NPY5R: variants seen among roughly 807,000 people sequenced by gnomAD.
NPY5R encodes the protein neuropeptide Y receptor Y5, also known as neuropeptide Y receptor type 5.
A neutral mutation model predicts 24.8 loss-of-function variants in NPY5R; 21 were observed. The ratio of observed to expected loss-of-function variants is 0.85; its 90% CI spans 0.60 to 1.22. The LOEUF is 1.22. Among genes scored for constraint, NPY5R ranks in the 50% most tolerant of loss-of-function variants. The pLI, the probability that NPY5R is intolerant of heterozygous loss-of-function variation, is 0.00. For synonymous variants in NPY5R, 175 were observed against 183.0 expected (o/e 0.96, Z 0.35); for missense variants, 481 against 521.3 (o/e 0.92, Z 0.75).
chr4:163,344,651 A>G (rs1735140897), intron 1 of NPY5R: 1 of 152,252 alleles, frequency 6.6e-6, no homozygotes. Flanking sequence ...TGCGAGCAAT[A>G]ACAAACATCC....
chr4:163,350,103 CAAAAAA>C (rs10599966), intron 3 of NPY5R, 156 bp from the exon 4 acceptor site: 783 of 173,750 alleles, frequency 4.5e-3, no homozygotes, highest in Non-Finnish European at 5.3e-3. Context: ...GACTCCGTCT[CAAAAAA>C]AAAAAAAAAA....
chr4:163,350,970 A>G lies in NPY5R; in HGVS notation c.697A>G (p.Ser233Gly). The change falls in exon 4 of 4, where the codon AGT (serine) becomes GGT (glycine). Residue 233 changes from serine to glycine, a missense_variant. Ser to Gly is a moderately conservative substitution (Grantham distance 56). Coordinates refer to ENST00000338566, the MANE Select transcript of NPY5R (RefSeq NM_006174.4). ...AGTTTGTCTTACTGTAAGTCATACA[A>G]GTGTCTGCAGAAGTATAAGCTGTGG... ...PLVCLTVSHTSVCRSISCGLS... is the reference protein window; with the variant it reads ...PLVCLTVSHTGVCRSISCGLS... The G allele has an allele frequency of 6.2e-7, 1 of 1,613,998 alleles. No individual in the cohort carries two copies. The highest frequency in any genetic ancestry group is 1.1e-5 in the South Asian group (1 of 91,082).
chr4:163,347,593 T>C (rs994221442), intron 3 of NPY5R, 71 bp downstream of exon 3: 65 of 152,210 alleles, frequency 4.3e-4, no homozygotes, highest in African/African-American at 1.6e-3. Context: ...TAAATATAAA[T>C]AGGATCATGA....
chr4:163,350,341 G>A lies in NPY5R; in HGVS notation c.68G>A (p.Arg23Gln), dbSNP rs375176738. 6.2e-6 allele frequency: 10 copies of A among 1,610,756 alleles called. 1 individual carries two copies. In the Admixed American group the frequency reaches 8.4e-5, roughly 13 times the overall value. ...LATENNTAATRNSDFPVWDDY... is the reference protein window; with the variant it reads ...LATENNTAATQNSDFPVWDDY... Reference sequence around the variant, plus strand: ...ACAGAGAATAATACTGCTGCCACTCGGAATTCTGATTTCCCAGTCTGGGAT... The same window carrying A: ...ACAGAGAATAATACTGCTGCCACTCAGAATTCTGATTTCCCAGTCTGGGAT... Residue 23 changes from arginine to glutamine, a missense_variant, in exon 4 of 4, where the codon CGG (arginine) becomes CAG (glutamine). By Grantham distance (43) the Arg-to-Gln change is conservative. Transcript: ENST00000338566.
rs772881122 is a variant in NPY5R at position 163,351,242 on chromosome 4, C to G, written c.969C>G (p.Leu323=). 5.0e-6 allele frequency: 8 copies of G among 1,614,168 alleles called. No homozygotes were observed. Among genetic ancestry groups the G allele is most frequent in the Middle Eastern group, 1.6e-4 (1 of 6,062 alleles). Residue 323 remains leucine, a synonymous_variant, in exon 4 of 4, where the codon CTC becomes CTG. Transcript: ENST00000338566. ...PENFGSVRSQ[L]SSSSKFIPGV... is the part of the protein sequence containing the mutation. ...ACTTTGGCTCTGTAAGAAGTCAGCTCTCTTCATCCAGTAAGTTCATACCAG... is the reference window on the plus strand; with the variant it reads ...ACTTTGGCTCTGTAAGAAGTCAGCTGTCTTCATCCAGTAAGTTCATACCAG...
rs1735476977 is a variant in NPY5R at position 163,351,102 on chromosome 4, T to C, written c.829T>C (p.Trp277Arg). ...GGTGAAACTCTCTGGCAGCCATAAATGGAGTTATTCATTCATCAAAAAACA... is the reference window on the plus strand; with the variant it reads ...GGTGAAACTCTCTGGCAGCCATAAACGGAGTTATTCATTCATCAAAAAACA... ...PQVKLSGSHK[W>R]SYSFIKKHRR... is the part of the protein sequence containing the mutation. Residue 277 changes from tryptophan to arginine, a missense_variant, in exon 4 of 4, where the codon TGG becomes CGG. Physicochemically the swap from Trp to Arg is moderately radical, Grantham distance 101 (BLOSUM62 -3). Transcript: ENST00000338566. 1 of 1,613,958 alleles carries C rather than the reference T, an allele frequency of 6.2e-7. No individual in the cohort carries two copies. The highest frequency in any genetic ancestry group is 8.5e-7 in the Non-Finnish European group (1 of 1,180,024).
rs1402927525 is a variant in NPY5R, at chr4:163,351,180, CCTT to C, written c.910_912del (p.Ser304del). 1.2e-6 allele frequency: 2 copies of C among 1,613,906 alleles called. No homozygotes were observed. The highest frequency in any genetic ancestry group is 1.7e-6 in the Non-Finnish European group (2 of 1,179,948). ...ATGTGTGTTACCTGCTCCAGAAAGA[CCTT>C]CTCAAGAGAACCACTCCAGAATACT... is the stretch of plus-strand genomic sequence containing the variant. On this transcript the variant is annotated inframe_deletion, in exon 4 of 4. Coordinates refer to ENST00000338566, the MANE Select transcript of NPY5R (RefSeq NM_006174.4).
intron 3 of NPY5R, among the ~76,000 whole-genome samples, chr4:163,349,844 C>T (rs1397313136): frequency 2.6e-5 from 4 of 152,228 alleles, no homozygotes; most frequent in Middle Eastern, 3.4e-3. Context: ...GGGCTGGGCA[C>T]GGTGGCTCAC....
At position 163,351,299 on chromosome 4, in the gene NPY5R, A is replaced by G. The variant is rs760132886; in HGVS notation, c.1026A>G (p.Glu342=). ...GVPTCFEIKP[E]ENSDVHELRV... is the part of the protein sequence containing the mutation. ...CCACTTGCTTTGAGATAAAACCTGA[A>G]GAAAATTCAGATGTTCATGAATTGA... The change falls in exon 4 of 4, where the codon GAA becomes GAG. Residue 342 remains glutamate, a synonymous_variant. Transcript: ENST00000338566. The G allele has an allele frequency of 1.9e-6, 3 of 1,613,658 alleles. No individual in the cohort carries two copies. The highest frequency in any genetic ancestry group is 2.5e-6 in the Non-Finnish European group (3 of 1,179,568).
chr4:163,345,521 T>C (rs1386872680), intron 1 of NPY5R, 193 bp from the exon 2 acceptor site: 2 of 152,336 alleles, frequency 1.3e-5, no homozygotes, highest in East Asian at 1.9e-4. Flanking sequence ...AAAAGTCTCA[T>C]GCTGTCAATA....
At chr4:163,349,522 T>A (rs1735390784) in intron 3 of NPY5R, among the ~76,000 whole-genome samples, 2 of 152,284 alleles carry the variant, frequency 1.3e-5, no homozygotes, top group Admixed American at 1.3e-4. Flanking sequence ...GACTTTTAAG[T>A]TTGGCCTAGA....
chr4:163,344,569 T>C (rs1735134471), intron 1 of NPY5R: 1 of 152,294 alleles, frequency 6.6e-6, no homozygotes, highest in Non-Finnish European at 1.5e-5. Flanking sequence ...GGTCCAGCGC[T>C]GACCCGAGCC....
At chr4:163,350,233 G>T (rs1451675190) in intron 3 of NPY5R, 32 bp from the exon 4 acceptor site, 5 of 1,493,390 alleles carry the variant, frequency 3.3e-6, no homozygotes, top group East Asian at 2.3e-5. Context: ...TGTTTTTTTG[G>T]TTGCTGACAA....
intron 3 of NPY5R, among the ~76,000 whole-genome samples, chr4:163,347,763 G>A (rs1031839792): frequency 1.3e-5 from 2 of 152,168 alleles, no homozygotes; most frequent in Non-Finnish European, 2.9e-5. Flanking sequence ...TAGGTCATGC[G>A]AGTCACTTTT....
intron 3 of NPY5R, chr4:163,349,447 G>T (rs566452370): frequency 7.6e-6 from 2 of 261,660 alleles, no homozygotes; most frequent in Admixed American, 1.3e-4. Flanking sequence ...TCAGACAACT[G>T]TAAACAGAAT....
intron 2 of NPY5R, among the ~76,000 whole-genome samples, chr4:163,346,477 A>G (rs1482249149): frequency 6.6e-6 from 1 of 152,232 alleles, no homozygotes; most frequent in Non-Finnish European, 1.5e-5. Context: ...TATATGTTCA[A>G]TAAATACTTT....
rs772273448 is a variant in NPY5R at position 163,350,603 on chromosome 4, C to T, written c.330C>T (p.Gly110=). ...TCTTGCTGGATCAGTGGATGTTTGG[C>T]AAAGTCATGTGCCATATTATGCCTT... ...TSVLLDQWMF[G]KVMCHIMPFL... Residue 110 remains glycine (G), a synonymous_variant, in exon 4 of 4, where the codon GGC becomes GGT. Coordinates refer to ENST00000338566, the MANE Select transcript of NPY5R (RefSeq NM_006174.4). The T allele has an allele frequency of 6.2e-7, 1 of 1,614,138 alleles. No individual in the cohort carries two copies.
At chr4:163,344,321 C>T (rs1735116055) in intron 1 of NPY5R, 1 of 152,362 alleles carries the variant, frequency 6.6e-6, no homozygotes, top group South Asian at 2.1e-4. Context: ...GGAGCAGGCG[C>T]GGGCCGAACC....
Position 163,350,479 on chromosome 4 carries a change from A to C in NPY5R, c.206A>C (p.Lys69Thr), listed in dbSNP as rs1560870197. Reference protein sequence around the residue: ...NLLILMALMKKRNQKTTVNFL... With the variant: ...NLLILMALMKTRNQKTTVNFL... The stretch of plus-strand genomic sequence containing the variant: ...CTTATTTTAATGGCTCTCATGAAAA[A>C]GCGTAATCAGAAGACTACGGTAAAC... The change falls in exon 4 of 4, where the codon AAG (lysine) becomes ACG (threonine). Residue 69 changes from lysine (K) to threonine (T), a missense_variant. Coordinates refer to ENST00000338566, the MANE Select transcript of NPY5R (RefSeq NM_006174.4). 1.2e-6 allele frequency: 2 copies of C among 1,614,140 alleles called. No individual in the cohort carries two copies.
Sources: allele counts gnomAD v4.1 joint callset (sites outside exome capture counted in the v4.1 genomes callset), GRCh38; gene constraint gnomAD v4.1.1; transcripts MANE v1.5; gene names NCBI Gene and HGNC (gene_info 2026-07-23, HGNC 2026-07-21).